The following MAML2 variants were observed in gnomAD, a reference collection of about 807,000 sequenced individuals.
The protein encoded by MAML2 is mastermind-like protein 2.
In MAML2, 22 loss-of-function variants were observed where a neutral mutation model predicts 96.1. The observed-to-expected ratio is 0.23, with a 90% CI of 0.16 to 0.33. The LOEUF is 0.33. Among genes scored for constraint, MAML2 ranks in the 10% least tolerant of loss-of-function variants. The pLI is 1.00. For synonymous variants in MAML2, 561 were observed against 521.3 expected (o/e 1.08, Z -1.04); for missense variants, 1,367 against 1,392.4 (o/e 0.98, Z 0.29).
rs191615119 is a variant in MAML2 at position 96,268,974 on chromosome 11, C to T, written c.513+72409G>A. Among the ~76,000 whole-genome samples, 7 of 144,552 alleles carry T rather than the reference C, an allele frequency of 4.8e-5. 1 individual carries two copies. Among genetic ancestry groups the T allele is most frequent in the Non-Finnish European group, 9.0e-5 (6 of 66,822 alleles). The allele number at this position is 144,552 out of a possible 152,430, so 94.8% of individuals were successfully genotyped here. On this transcript the variant is annotated intron_variant, in intron 1 of 4. Transcript: ENST00000524717. ...TACATCAAGCAAACACTAAATTGCTCGAATAAATGCATATTTGGATTAGAA... is the reference window on the plus strand; with the variant it reads ...TACATCAAGCAAACACTAAATTGCTTGAATAAATGCATATTTGGATTAGAA...
intron 1 of MAML2, among the ~76,000 whole-genome samples, chr11:96,129,108 A>C (rs1860500645): frequency 6.6e-6 from 1 of 152,200 alleles, no homozygotes; most frequent in African/African-American, 2.4e-5. Context: ...TTTACCAATA[A>C]TCATACATGG....
rs537179849 is a variant in MAML2 at position 96,092,096 on chromosome 11, TTGCTGC to T, written c.1929_1934del (p.Gln664_Gln665del). ...GTTGTTGCTGCTGCTGCTGCTGTTG[TTGCTGC>T]TGCTGCTGCTGTTGGGCTGAAATTG... On this transcript the variant is annotated inframe_deletion, in exon 2 of 5. Transcript: ENST00000524717. This position sits in a 1 kb window ranked among gnomAD's most constrained non-coding sequence, Gnocchi z 4.1. 4 of 1,548,844 alleles carry T rather than the reference TTGCTGC, an allele frequency of 2.6e-6. No homozygotes were observed. In the East Asian group the frequency reaches 9.8e-5, roughly 38 times the overall value.
chr11:96,221,063 G>T (rs1007794852), intron 1 of MAML2, among the ~76,000 whole-genome samples: 2 of 152,142 alleles, frequency 1.3e-5, no homozygotes, highest in Non-Finnish European at 2.9e-5. Flanking sequence ...CTGAGGAGAT[G>T]TATTACTATA....
chr11:96,103,114 C>T (rs955047913), intron 1 of MAML2, among the ~76,000 whole-genome samples: 2 of 152,088 alleles, frequency 1.3e-5, no homozygotes, highest in African/African-American at 4.8e-5. Flanking sequence ...TTTCTCCCTG[C>T]TTTAATGATT....
chr11:96,007,451 T>C (rs368510134), intron 2 of MAML2, among the ~76,000 whole-genome samples: 1 of 152,202 alleles, frequency 6.6e-6, no homozygotes, highest in African/African-American at 2.4e-5. Flanking sequence ...CTTTCCAACA[T>C]AGGTAACTGG....
At chr11:96,252,578 A>T (rs1042209676) in intron 1 of MAML2, among the ~76,000 whole-genome samples, 13 of 151,900 alleles carry the variant, frequency 8.6e-5, no homozygotes, top group African/African-American at 3.1e-4. Context: ...GGCGCGTGTC[A>T]CCATGCCTGG....
At chr11:96,288,099 AG>A (rs1299659375) in intron 1 of MAML2, among the ~76,000 whole-genome samples, 2 of 152,206 alleles carry the variant, frequency 1.3e-5, no homozygotes, top group African/African-American at 4.8e-5. Context: ...GAAAAACCAC[AG>A]GAAATATTCT....
rs982839152 is a variant in MAML2, at chr11:96,341,749, T to G, written c.147A>C (p.Gln49His). The G allele has an allele frequency of 1.2e-6, 2 of 1,613,144 alleles. No homozygotes were observed. The highest frequency in any genetic ancestry group is 1.7e-6 in the Non-Finnish European group (2 of 1,179,718). ...RLRARIAVCRQHHLSCEGRYE... is the reference protein window; with the variant it reads ...RLRARIAVCRHHHLSCEGRYE... ...ATCGTCCTTCACAGCTCAGGTGGTG[T>G]TGGCGGCAGACAGCGATCCGAGCCC... Residue 49 changes from glutamine to histidine, a missense_variant, in exon 1 of 5, where the codon CAA (glutamine) becomes CAC (histidine). Coordinates refer to ENST00000524717, the MANE Select transcript of MAML2 (RefSeq NM_032427.4).
At chr11:96,315,486 T>C (rs988843160) in intron 1 of MAML2, among the ~76,000 whole-genome samples, 2 of 152,272 alleles carry the variant, frequency 1.3e-5, no homozygotes, top group African/African-American at 4.8e-5. Context: ...TTTATTCCAA[T>C]GCTATCTCTT....
intron 1 of MAML2, among the ~76,000 whole-genome samples, chr11:96,192,658 T>C (rs996711962): frequency 2.0e-5 from 3 of 152,252 alleles, no homozygotes; most frequent in Non-Finnish European, 2.9e-5. Flanking sequence ...TTTGTCTATA[T>C]GCTAGCATTC....
chr11:96,154,223 G>A (rs938630749), intron 1 of MAML2, among the ~76,000 whole-genome samples: 5 of 152,112 alleles, frequency 3.3e-5, no homozygotes, highest in Admixed American at 1.3e-4. Flanking sequence ...AGTAGGTCTC[G>A]GGTGGGGCCT....
At chr11:96,032,708 G>A (rs752908639) in intron 2 of MAML2, among the ~76,000 whole-genome samples, 6 of 151,708 alleles carry the variant, frequency 4.0e-5, no homozygotes, top group African/African-American at 9.7e-5. Context: ...ATGCTACTTC[G>A]CACTAAAAAG....
chr11:96,122,922 C>G (rs1004521923), intron 1 of MAML2, among the ~76,000 whole-genome samples: 10 of 152,256 alleles, frequency 6.6e-5, no homozygotes, highest in African/African-American at 2.4e-4. Context: ...TACCCACTTG[C>G]CTGATGGGCA....
In MAML2 at chr11:96,243,502, G is replaced by A. The variant is rs117321565; in HGVS notation, c.513+97881C>T. ...GCGCGGAGCCAGACCCCAGCCGCGC[G>A]GCTCAGACCTCGCGAGAGCCATCAC... On this transcript the variant is annotated intron_variant, in intron 1 of 4. Transcript: ENST00000524717. 4.7e-3 allele frequency among the ~76,000 whole-genome samples: 712 copies of A among 152,274 alleles called. 22 individuals carry two copies. The East Asian group carries it at 0.048, about 10-fold the overall frequency.
At chr11:96,045,530 G>A (rs887028480) in intron 2 of MAML2, among the ~76,000 whole-genome samples, 3 of 152,122 alleles carry the variant, frequency 2.0e-5, no homozygotes. Flanking sequence ...CCCTTCAATA[G>A]TCCTTTCTTG....
At chr11:95,989,780 T>C (rs1565182354) in intron 3 of MAML2, among the ~76,000 whole-genome samples, 1 of 152,234 alleles carries the variant, frequency 6.6e-6, no homozygotes, top group Non-Finnish European at 1.5e-5. Flanking sequence ...ACGTCATCTG[T>C]AATCTTATTT....
At chr11:96,168,260 G>T (rs775830375) in intron 1 of MAML2, among the ~76,000 whole-genome samples, 2 of 152,204 alleles carry the variant, frequency 1.3e-5, no homozygotes, top group Non-Finnish European at 2.9e-5. Context: ...ATAGAATATG[G>T]TAGGTGTTCT....
At chr11:96,212,108 A>T (rs990961646) in intron 1 of MAML2, among the ~76,000 whole-genome samples, 1 of 134,146 alleles carries the variant, frequency 7.5e-6, no homozygotes, top group African/African-American at 2.9e-5. Context: ...AGGAAGACAA[A>T]GTGTGTGTGT....
At chr11:96,105,615 AT>A (rs1860009269) in intron 1 of MAML2, among the ~76,000 whole-genome samples, 1 of 152,232 alleles carries the variant, frequency 6.6e-6, no homozygotes, top group Admixed American at 6.5e-5. Flanking sequence ...TGATGTCATC[AT>A]TCTTTTGAAA....
Sources: gnomAD v4.1 joint callset for allele counts (sites outside exome capture counted in the v4.1 genomes callset) on GRCh38, gnomAD v4.1.1 for gene constraint, Gnocchi (gnomAD v3.1) non-coding constraint, MANE v1.5 for transcripts, NCBI Gene and HGNC (gene_info 2026-07-23, HGNC 2026-07-21) for gene names.